Variants in ELFN1 observed in about 807,000 individuals in gnomAD.
ELFN1 encodes the protein protein ELFN1.
A neutral mutation model predicts 7.6 loss-of-function variants in ELFN1; 6 were observed. That is an observed-to-expected ratio of 0.79 (90% CI 0.43 to 1.56). The LOEUF is 1.56. ELFN1 is among the 40% of genes most tolerant of loss of function. ELFN1 has a pLI of 0.01. For missense variants in ELFN1, 1,169 were observed against 1,232.2 expected (o/e 0.95, Z 0.77); for synonymous variants, 657 against 588.1 (o/e 1.12, Z -1.70).
At chr7:1,685,770 A>G (rs1779051221) in intron 1 of ELFN1, among the ~76,000 whole-genome samples, 1 of 149,224 alleles carries the variant, frequency 6.7e-6, no homozygotes, top group South Asian at 2.1e-4. Flanking sequence ...ATAATATATA[A>G]ACCGTTGAAA....
chr7:1,674,902 G>A (rs1233243049), intron 1 of ELFN1, among the ~76,000 whole-genome samples: 4 of 152,172 alleles, frequency 2.6e-5, no homozygotes, highest in African/African-American at 7.2e-5. Flanking sequence ...GTGTTTGCTA[G>A]AGCCCCCAAT....
At chr7:1,732,554 C>A (rs1780346764) in intron 3 of ELFN1, among the ~76,000 whole-genome samples, 1 of 152,154 alleles carries the variant, frequency 6.6e-6, no homozygotes, top group Non-Finnish European at 1.5e-5. Context: ...GGGAGAAAAT[C>A]AATTTTGATC....
chr7:1,676,633 C>T (rs956127744), intron 1 of ELFN1, among the ~76,000 whole-genome samples: 1 of 152,212 alleles, frequency 6.6e-6, no homozygotes, highest in Non-Finnish European at 1.5e-5. Context: ...GGCGCAGGTT[C>T]GGTCCCTGCG....
intron 2 of ELFN1, among the ~76,000 whole-genome samples, chr7:1,700,976 T>C (rs566946856): frequency 1.3e-5 from 2 of 152,250 alleles, no homozygotes; most frequent in East Asian, 3.9e-4. Flanking sequence ...TCATAAGAGG[T>C]GTTTATAGAT....
intron 3 of ELFN1, among the ~76,000 whole-genome samples, chr7:1,733,327 C>T (rs769976223): frequency 3.9e-5 from 6 of 152,094 alleles, no homozygotes; most frequent in Admixed American, 1.3e-4. Context: ...ACCGTGTGAG[C>T]GAGGGCTGGT....
Position 1,746,482 on chromosome 7 carries a change from G to A in ELFN1, c.1886G>A (p.Ser629Asn), listed in dbSNP as rs1191694247. 2.0e-6 allele frequency: 3 copies of A among 1,507,692 alleles called. No individual in the cohort carries two copies. Among genetic ancestry groups the A allele is most frequent in the Non-Finnish European group, 2.6e-6 (3 of 1,135,384 alleles). 93.4% of individuals were successfully genotyped at this position (1,507,692 alleles called of 1,614,324 possible). The change falls in exon 4 of 4, where the codon AGC (serine) becomes AAC (asparagine). Residue 629 changes from serine to asparagine, a missense_variant. Around this residue, in one of 2 missense-constraint regions of ELFN1, gnomAD observed 914 missense variants for 872.6 expected, o/e 1.05. Transcript: ENST00000424383. ...AFGHSLQRHHSVEAAGPPRAS... is the reference protein window; with the variant it reads ...AFGHSLQRHHNVEAAGPPRAS... Reference sequence around the variant, plus strand: ...GGCCACAGCCTGCAGCGGCACCACAGCGTGGAGGCCGCCGGGCCCCCTCGT... The same window carrying A: ...GGCCACAGCCTGCAGCGGCACCACAACGTGGAGGCCGCCGGGCCCCCTCGT...
chr7:1,728,985 T>C (rs1300517250), intron 3 of ELFN1, among the ~76,000 whole-genome samples: 1 of 152,112 alleles, frequency 6.6e-6, no homozygotes, highest in Non-Finnish European at 1.5e-5. Flanking sequence ...CTCAAAGAAC[T>C]TAAGGACATT....
intron 3 of ELFN1, among the ~76,000 whole-genome samples, chr7:1,743,264 C>T (rs1400379888): frequency 6.6e-6 from 1 of 152,180 alleles, no homozygotes; most frequent in Non-Finnish European, 1.5e-5. Flanking sequence ...ACCGTCCTGC[C>T]TGGAGACCCT....
intron 1 of ELFN1, among the ~76,000 whole-genome samples, chr7:1,675,889 G>C (rs1778861113): frequency 1.3e-5 from 2 of 152,222 alleles, no homozygotes; most frequent in African/African-American, 4.8e-5. Flanking sequence ...CCAGCGCTTG[G>C]CTCCCTCACT....
At chr7:1,701,616 C>G (rs1779429766) in intron 2 of ELFN1, among the ~76,000 whole-genome samples, 2 of 151,660 alleles carry the variant, frequency 1.3e-5, no homozygotes, top group African/African-American at 4.8e-5. Flanking sequence ...TCAAGACCAG[C>G]CTAGGCAACA....
rs567361409 is a variant in ELFN1, at chr7:1,704,133, C to T, written c.-455-4958C>T. Reference sequence around the variant, plus strand: ...GAGGGCCTGGCATTTGCCACAGGTGCACAACCGCTGTTGTTCTTGTTACGG... The same window carrying T: ...GAGGGCCTGGCATTTGCCACAGGTGTACAACCGCTGTTGTTCTTGTTACGG... On this transcript the variant is annotated intron_variant, in intron 2 of 3. Coordinates refer to ENST00000424383, the MANE Select transcript of ELFN1 (RefSeq NM_001128636.4). 3.0e-3 allele frequency among the ~76,000 whole-genome samples: 458 copies of T among 152,316 alleles called. 4 individuals are homozygous for T. Among genetic ancestry groups the T allele is most frequent in the African/African-American group, 0.01 (436 of 41,570 alleles).
At chr7:1,707,616 G>A (rs1264661438) in intron 2 of ELFN1, among the ~76,000 whole-genome samples, 1 of 152,224 alleles carries the variant, frequency 6.6e-6, no homozygotes, top group Non-Finnish European at 1.5e-5. Flanking sequence ...GGGCCTGGAA[G>A]CCTCCTCTTA....
At chr7:1,711,577 A>T (rs1175304217) in intron 3 of ELFN1, among the ~76,000 whole-genome samples, 1 of 5,600 alleles carries the variant, frequency 1.8e-4, no homozygotes, top group African/African-American at 1.0e-3. Context: ...CGAGAGAGTG[A>T]GAGAGAGAGA....
chr7:1,695,153 G>C lies in ELFN1; in HGVS notation c.-456+7003G>C, dbSNP rs1779274474. The stretch of plus-strand genomic sequence containing the variant: ...TGGTGGGACCTGCTCTGTGGCTCCA[G>C]AGCTCATGCGCAGCCCGCTGGGGCT... On this transcript the variant is annotated intron_variant, in intron 2 of 3. Transcript: ENST00000424383. This position sits in a 1 kb window ranked among gnomAD's most constrained non-coding sequence, Gnocchi z 5.1. Among the ~76,000 whole-genome samples the C allele has an allele frequency of 6.6e-6, 1 of 152,238 alleles. No individual in the cohort carries two copies. The highest frequency in any genetic ancestry group is 2.4e-5 in the African/African-American group (1 of 41,466).
At chr7:1,731,045 C>T (rs753107163) in intron 3 of ELFN1, among the ~76,000 whole-genome samples, 2 of 152,148 alleles carry the variant, frequency 1.3e-5, no homozygotes, top group Non-Finnish European at 2.9e-5. Flanking sequence ...ATTAAATAAA[C>T]GGTCCCCACT....
chr7:1,692,661 A>ACCTGCC (rs1447356870), intron 2 of ELFN1: 1 of 153,862 alleles, frequency 6.5e-6, no homozygotes, highest in Non-Finnish European at 1.4e-5. Flanking sequence ...TGCCGGCTGC[A>ACCTGCC]CCTGCCCCTG....
At chr7:1,677,531 C>T (rs577003068) in intron 1 of ELFN1, among the ~76,000 whole-genome samples, 1 of 151,686 alleles carries the variant, frequency 6.6e-6, no homozygotes, top group African/African-American at 2.4e-5. Flanking sequence ...TGTAGGTTCG[C>T]GGGTGTGTGC....
At chr7:1,692,333 G>A (rs1779184438) in intron 2 of ELFN1, 1 of 152,940 alleles carries the variant, frequency 6.5e-6, no homozygotes, top group African/African-American at 2.4e-5. Flanking sequence ...CTGCGCTGTG[G>A]AGTCTGGGCT....
chr7:1,666,286 G>T (rs1023444723), upstream of ELFN1, among the ~76,000 whole-genome samples: 3 of 152,036 alleles, frequency 2.0e-5, no homozygotes, highest in African/African-American at 7.2e-5. The surrounding 1 kb of genome is among the most constrained non-coding windows in gnomAD (Gnocchi z 7.9). Flanking sequence ...ATGCTCTCTG[G>T]GGGGGGCGGC....
Sources: gnomAD v4.1 joint callset for allele counts (sites outside exome capture counted in the v4.1 genomes callset) on GRCh38, gnomAD v4.1.1 for gene constraint, gnomAD v4.1.1 regional missense constraint, Gnocchi (gnomAD v3.1) non-coding constraint, MANE v1.5 for transcripts, NCBI Gene and HGNC (gene_info 2026-07-23, HGNC 2026-07-21) for gene names.